SDK1: variants seen among roughly 807,000 people sequenced by gnomAD.
SDK1 encodes the protein sidekick cell adhesion molecule 1.
A neutral mutation model predicts 245.5 loss-of-function variants in SDK1; 157 were observed. That is an observed-to-expected ratio of 0.64 (90% CI 0.56 to 0.73). SDK1 has a LOEUF of 0.73. SDK1 is among the 30% of genes least tolerant of loss of function. The pLI, the probability that SDK1 is intolerant of heterozygous loss-of-function variation, is 0.00. For missense variants in SDK1, 3,583 were observed against 3,002.3 expected, an observed-to-expected ratio of 1.19 and a Z score of -4.52; for synonymous variants, 1,647 against 1,278.5, an observed-to-expected ratio of 1.29 and a Z score of -6.15.
chr7:3,668,579 GC>G lies in SDK1; in HGVS notation c.713+26476del, dbSNP rs1472302604. Among the ~76,000 whole-genome samples the G allele has an allele frequency of 9.9e-5, 15 of 152,204 alleles. 1 individual carries two copies. The East Asian group carries it at 1.4e-3, about 14-fold the overall frequency. On this transcript the variant is annotated intron_variant, in intron 4 of 44. Coordinates refer to ENST00000404826, the MANE Select transcript of SDK1 (RefSeq NM_152744.4). The stretch of plus-strand genomic sequence containing the variant: ...TCACATGGTCAAGAGTTCGAGACCA[GC>G]CTGGGCAAGAGACCAGCCTGGCCAA...
chr7:4,243,671 C>G (rs1329778592), intron 43 of SDK1, among the ~76,000 whole-genome samples: 1 of 152,160 alleles, frequency 6.6e-6, no homozygotes, highest in Non-Finnish European at 1.5e-5. Context: ...AAGACCTGCC[C>G]CCATGATTCA....
chr7:3,952,706 A>G (rs1003980135), intron 7 of SDK1, among the ~76,000 whole-genome samples: 5 of 152,098 alleles, frequency 3.3e-5, no homozygotes, highest in Admixed American at 2.0e-4. Flanking sequence ...AAAAAAAAAG[A>G]GAACAGAGAT....
intron 40 of SDK1, 118 bp downstream of exon 40, chr7:4,221,482 C>G (rs1785152663): frequency 1.5e-6 from 2 of 1,307,096 alleles, no homozygotes; most frequent in Non-Finnish European, 2.1e-6. Context: ...AAAGCTGGGA[C>G]CAAGAGGGCG....
intron 35 of SDK1, among the ~76,000 whole-genome samples, chr7:4,185,196 C>T (rs745989535): frequency 6.6e-6 from 1 of 152,304 alleles, no homozygotes; most frequent in South Asian, 2.1e-4. Flanking sequence ...TCCTGCAGTG[C>T]TGATAGGCAG....
intron 1 of SDK1, among the ~76,000 whole-genome samples, chr7:3,400,878 G>A (rs1378614147): frequency 2.0e-5 from 3 of 152,040 alleles, no homozygotes; most frequent in African/African-American, 4.8e-5. Context: ...CCATTCTTAC[G>A]GCCAGAGGAA....
intron 5 of SDK1, among the ~76,000 whole-genome samples, chr7:3,906,799 T>C (rs780825861): frequency 7.9e-5 from 12 of 152,062 alleles, no homozygotes; most frequent in South Asian, 2.1e-4. Context: ...AGCTAAGTTT[T>C]TGTATTTTTT....
chr7:3,537,070 AT>A (rs1778909919), intron 1 of SDK1, among the ~76,000 whole-genome samples: 1 of 152,210 alleles, frequency 6.6e-6, no homozygotes, highest in Admixed American at 6.5e-5. Context: ...TGTACTTAAA[AT>A]ATAAAACATT....
intron 1 of SDK1, among the ~76,000 whole-genome samples, chr7:3,588,314 C>T (rs1780754522): frequency 1.3e-5 from 2 of 152,092 alleles, no homozygotes; most frequent in Non-Finnish European, 2.9e-5. Context: ...TATTTTTAGT[C>T]TGCAGATATT....
intron 35 of SDK1, among the ~76,000 whole-genome samples, chr7:4,179,615 C>G (rs945961357): frequency 2.0e-5 from 3 of 151,898 alleles, no homozygotes; most frequent in Admixed American, 2.0e-4. Context: ...TCTCTTTGCA[C>G]GAAAATATGT....
chr7:3,613,191 A>G (rs889783704), intron 1 of SDK1, among the ~76,000 whole-genome samples: 2 of 151,712 alleles, frequency 1.3e-5, no homozygotes, highest in African/African-American at 4.8e-5. Context: ...CCATCGCAAG[A>G]CCCCCTTTCT....
intron 1 of SDK1, among the ~76,000 whole-genome samples, chr7:3,366,938 T>C (rs1294963735): frequency 6.6e-6 from 1 of 151,738 alleles, no homozygotes; most frequent in East Asian, 1.9e-4. Context: ...GACAGGGTTT[T>C]ACCATGTTGG....
rs76600914 is a variant in SDK1 at position 3,876,203 on chromosome 7, A to G, written c.847+54620A>G. Among the ~76,000 whole-genome samples the G allele has an allele frequency of 2.6e-3, 390 of 152,290 alleles. 1 individual carries two copies. Among genetic ancestry groups the G allele is most frequent in the African/African-American group, 9.1e-3 (379 of 41,568 alleles). ...CCTCACGCTTGACTTGAAGTGAAGT[A>G]GGGTAGGGGCTGAACTCCCAGCATC... On this transcript the variant is annotated intron_variant, in intron 5 of 44. Coordinates refer to ENST00000404826, the MANE Select transcript of SDK1 (RefSeq NM_152744.4).
intron 11 of SDK1, among the ~76,000 whole-genome samples, chr7:3,969,858 A>C (rs569693167): frequency 2.8e-4 from 42 of 152,346 alleles, no homozygotes; most frequent in African/African-American, 8.9e-4. Flanking sequence ...GTATGTTAGG[A>C]GTGAACTGAA....
At position 3,951,797 on chromosome 7, in the gene SDK1, T is replaced by C; in HGVS notation, c.1027T>C (p.Phe343Leu). The change falls in exon 7 of 45, where the codon TTT (phenylalanine) becomes CTT (leucine). Residue 343 changes from phenylalanine (F) to leucine (L), a missense_variant. By Grantham distance (22) the Phe-to-Leu change is conservative. Coordinates refer to ENST00000404826, the MANE Select transcript of SDK1 (RefSeq NM_152744.4). ...GVRITSGLHSFGRRLTISNPT... is the reference protein window; with the variant it reads ...GVRITSGLHSLGRRLTISNPT... ...GAGAATCACCAGTGGCCTCCACAGC[T>C]TTGGAAGACGCCTCACCATCAGCAA... 6.2e-7 allele frequency: 1 copy of C among 1,613,914 alleles called. No individual in the cohort carries two copies. The highest frequency in any genetic ancestry group is 1.1e-5 in the South Asian group (1 of 91,080).
At chr7:3,440,564 C>T (rs1290709803) in intron 1 of SDK1, among the ~76,000 whole-genome samples, 1 of 152,058 alleles carries the variant, frequency 6.6e-6, no homozygotes, top group South Asian at 2.1e-4. Flanking sequence ...GTTCAAGTAA[C>T]CCTTATTTTA....
At chr7:3,650,274 T>C (rs1470370411) in intron 4 of SDK1, among the ~76,000 whole-genome samples, 1 of 152,172 alleles carries the variant, frequency 6.6e-6, no homozygotes, top group Non-Finnish European at 1.5e-5. Flanking sequence ...CCATTCACAG[T>C]GTTGTGCAAT....
intron 4 of SDK1, among the ~76,000 whole-genome samples, chr7:3,775,398 T>C (rs1780522642): frequency 6.6e-6 from 1 of 152,084 alleles, no homozygotes; most frequent in African/African-American, 2.4e-5. Context: ...TGTTGCCTTC[T>C]CAACTTTCAA....
At chr7:3,557,096 G>C (rs980781172) in intron 1 of SDK1, among the ~76,000 whole-genome samples, 2 of 151,662 alleles carry the variant, frequency 1.3e-5, no homozygotes, top group Non-Finnish European at 2.9e-5. Flanking sequence ...GAAGGAAAGA[G>C]ATAATAAAAG....
intron 4 of SDK1, among the ~76,000 whole-genome samples, chr7:3,722,193 A>C (rs1424933407): frequency 6.6e-6 from 1 of 152,090 alleles, no homozygotes; most frequent in Non-Finnish European, 1.5e-5. Context: ...TTAGCAGTAA[A>C]TCTTGCTAAG....
Sources: allele counts gnomAD v4.1 joint callset (sites outside exome capture counted in the v4.1 genomes callset), GRCh38; gene constraint gnomAD v4.1.1; transcripts MANE v1.5; gene names NCBI Gene and HGNC (gene_info 2026-07-23, HGNC 2026-07-21).